The following CCSER1 variants were observed in gnomAD, a reference collection of about 807,000 sequenced individuals.
The protein encoded by CCSER1 is coiled-coil serine rich protein 1.
CCSER1 carries 41 observed loss-of-function variants against 82.0 expected under a neutral mutation model. That is an observed-to-expected ratio of 0.50 (90% confidence interval 0.39 to 0.65). The LOEUF (loss-of-function observed/expected upper bound fraction) is 0.65. Ranked by LOEUF, CCSER1 falls within the 30% of genes least tolerant of loss-of-function variation. The pLI is 0.00. For missense variants in CCSER1, 1,119 were observed against 1,064.2 expected (o/e 1.05, Z -0.72); for synonymous variants, 414 against 383.9 (o/e 1.08, Z -0.92).
intron 5 of CCSER1, among the ~76,000 whole-genome samples, chr4:90,604,436 C>G (rs766692100): frequency 6.6e-6 from 1 of 152,182 alleles, no homozygotes; most frequent in Non-Finnish European, 1.5e-5. Context: ...CAATTCAATT[C>G]AGCTCTTTAA....
chr4:90,630,010 C>A (rs1394930847), intron 6 of CCSER1, among the ~76,000 whole-genome samples: 1 of 152,130 alleles, frequency 6.6e-6, no homozygotes, highest in Admixed American at 6.5e-5. Flanking sequence ...ATTTTGGTAG[C>A]TTGAAATCAG....
At chr4:91,596,989 T>A (rs559936245) in intron 10 of CCSER1, among the ~76,000 whole-genome samples, 85 of 152,106 alleles carry the variant, frequency 5.6e-4, no homozygotes, top group Non-Finnish European at 1.0e-3. Context: ...CTTTGTTTTG[T>A]AGAAAAGAAA....
At chr4:90,964,837 T>TTA (rs973944471) in intron 9 of CCSER1, among the ~76,000 whole-genome samples, 1 of 151,888 alleles carries the variant, frequency 6.6e-6, no homozygotes, top group Admixed American at 6.6e-5. Context: ...CACGGAGTGT[T>TTA]TATTAGGGGT....
chr4:91,073,088 C>T (rs989012839), intron 9 of CCSER1, among the ~76,000 whole-genome samples: 1 of 151,900 alleles, frequency 6.6e-6, no homozygotes, highest in African/African-American at 2.4e-5. Flanking sequence ...CAATTCAAAG[C>T]TTCCAGTGAA....
At chr4:91,440,347 A>G (rs945921082) in intron 10 of CCSER1, among the ~76,000 whole-genome samples, 4 of 152,160 alleles carry the variant, frequency 2.6e-5, no homozygotes, top group African/African-American at 7.2e-5. Context: ...AAACTGAACA[A>G]TCTGCTCCTG....
In CCSER1 at chr4:90,308,484, C is replaced by T. The variant is rs574909323; in HGVS notation, c.200C>T (p.Ser67Phe). 6.2e-7 allele frequency: 1 copy of T among 1,613,904 alleles called. No homozygotes were observed. The highest frequency in any genetic ancestry group is 1.1e-5 in the South Asian group (1 of 91,076). ...GKRRSIFRTPSISFHHKKGSE... is the reference protein window; with the variant it reads ...GKRRSIFRTPFISFHHKKGSE... ...CGGAGGAGCATATTCCGTACTCCTT[C>T]CATTAGCTTCCACCATAAGAAGGGG... Residue 67 changes from serine to phenylalanine, a missense_variant, in exon 2 of 11, where the codon TCC (serine) becomes TTC (phenylalanine). Coordinates refer to ENST00000509176, the MANE Select transcript of CCSER1 (RefSeq NM_001145065.2).
At chr4:91,524,996 A>T (rs553693710) in intron 10 of CCSER1, among the ~76,000 whole-genome samples, 1 of 152,230 alleles carries the variant, frequency 6.6e-6, no homozygotes, top group South Asian at 2.1e-4. Context: ...GCAGAAAAAA[A>T]TAAGTGCAGA....
intron 9 of CCSER1, among the ~76,000 whole-genome samples, chr4:90,969,195 G>A (rs1210054749): frequency 6.6e-6 from 1 of 151,892 alleles, no homozygotes; most frequent in Non-Finnish European, 1.5e-5. Context: ...TACACATTAT[G>A]TAAGTGTCTG....
At chr4:90,272,068 C>G (rs1018274535) in intron 1 of CCSER1, among the ~76,000 whole-genome samples, 1 of 151,114 alleles carries the variant, frequency 6.6e-6, no homozygotes, top group African/African-American at 2.4e-5. Context: ...CTCACTGTCA[C>G]GACAACAGCG....
chr4:90,967,364 G>A (rs568753267), intron 9 of CCSER1, among the ~76,000 whole-genome samples: 53 of 151,922 alleles, frequency 3.5e-4, no homozygotes, highest in South Asian at 1.7e-3. Flanking sequence ...CAGGAGAATC[G>A]CTTGAACCCA....
intron 10 of CCSER1, among the ~76,000 whole-genome samples, chr4:91,315,556 A>G (rs980021962): frequency 6.6e-6 from 1 of 151,988 alleles, no homozygotes; most frequent in Non-Finnish European, 1.5e-5. Context: ...GCACTGTTCT[A>G]TGTTCTTTAT....
At chr4:91,157,853 C>T (rs1002909242) in intron 10 of CCSER1, among the ~76,000 whole-genome samples, 28 of 151,896 alleles carry the variant, frequency 1.8e-4, no homozygotes, top group African/African-American at 5.3e-4. Context: ...TTTTCAAAGT[C>T]TTCTTATGTT....
intron 3 of CCSER1, among the ~76,000 whole-genome samples, chr4:90,347,505 T>TAAAC: frequency 6.6e-6 from 1 of 152,308 alleles, no homozygotes; most frequent in African/African-American, 2.4e-5. Flanking sequence ...ATTCCAGAAA[T>TAAAC]AAACAATTCA....
chr4:91,268,680 T>C (rs1741799149), intron 10 of CCSER1, among the ~76,000 whole-genome samples: 1 of 152,112 alleles, frequency 6.6e-6, no homozygotes, highest in Non-Finnish European at 1.5e-5. Flanking sequence ...GGGGCTGTTT[T>C]ATAGGATTTG....
At position 90,400,124 on chromosome 4, in the gene CCSER1, C is replaced by A. The variant is rs369051250; in HGVS notation, c.1598C>A (p.Pro533His). Reference protein sequence around the residue: ...LEFLEEQSLHPSVCREDSYHS... With the variant: ...LEFLEEQSLHHSVCREDSYHS... ...TTTTTAGAGGAACAGAGTCTTCACC[C>A]TTCTGGTAAGTGTTAAAGAGATGAA... The change falls in exon 4 of 11, where the codon CCT becomes CAT. Residue 533 changes from proline (P) to histidine (H), a missense_variant. Physicochemically the swap from Pro to His is moderately conservative, Grantham distance 77. Coordinates refer to ENST00000509176, the MANE Select transcript of CCSER1 (RefSeq NM_001145065.2). 2 of 1,566,802 alleles carry A rather than the reference C, an allele frequency of 1.3e-6. No homozygotes were observed. The highest frequency in any genetic ancestry group is 2.7e-5 in the African/African-American group (2 of 74,124).
intron 10 of CCSER1, among the ~76,000 whole-genome samples, chr4:91,119,794 G>C (rs1726929688): frequency 6.6e-6 from 1 of 151,956 alleles, no homozygotes; most frequent in South Asian, 2.1e-4. Context: ...AAAAAATTAT[G>C]CATATATTGT....
chr4:90,254,492 G>T (rs1251623779), intron 1 of CCSER1, among the ~76,000 whole-genome samples: 1 of 152,158 alleles, frequency 6.6e-6, no homozygotes, highest in Non-Finnish European at 1.5e-5. Flanking sequence ...CCTGGGGGTA[G>T]ATCTTCCATT....
At position 90,478,981 on chromosome 4, in the gene CCSER1, T is replaced by C. The variant is rs983459359; in HGVS notation, c.1724+10627T>C. The stretch of plus-strand genomic sequence containing the variant: ...GTCTTGAACTCCTGACCTCGTGATC[T>C]GCCTGCCTCAGCCTCCCAAAGTGCT... On this transcript the variant is annotated intron_variant, in intron 5 of 10. Transcript: ENST00000509176. Among the ~76,000 whole-genome samples, 18 of 152,182 alleles carry C rather than the reference T, an allele frequency of 1.2e-4. No homozygotes were observed. In the Middle Eastern group the frequency reaches 0.014, roughly 115 times the overall value.
chr4:90,605,363 AT>A (rs1296009117), intron 5 of CCSER1, among the ~76,000 whole-genome samples: 1 of 152,226 alleles, frequency 6.6e-6, no homozygotes, highest in East Asian at 1.9e-4. Flanking sequence ...GTTGTGAATT[AT>A]GTTTACAAGA....
Sources: gnomAD v4.1 joint callset for allele counts (sites outside exome capture counted in the v4.1 genomes callset) on GRCh38, gnomAD v4.1.1 for gene constraint, MANE v1.5 for transcripts, NCBI Gene and HGNC (gene_info 2026-07-23, HGNC 2026-07-21) for gene names.